CRISPLD1: variants seen among roughly 807,000 people sequenced by gnomAD.
The protein encoded by CRISPLD1 is cysteine rich secretory protein LCCL domain containing 1, also known as cysteine-rich secretory protein LCCL domain-containing 1.
In CRISPLD1, 60 loss-of-function variants were observed where a neutral mutation model predicts 77.5. The observed-to-expected ratio is 0.77, with a 90% confidence interval of 0.63 to 0.96. The LOEUF (loss-of-function observed/expected upper bound fraction) is 0.96, where lower values mean the gene tolerates loss of function less well. Ranked by LOEUF, CRISPLD1 falls within the 40% of genes least tolerant of loss-of-function variation. The probability of loss-of-function intolerance (pLI) is 0.00; values close to 1 mark genes in which losing one functional copy is unlikely to be tolerated. For missense variants in CRISPLD1, 623 were observed against 615.8 expected (o/e 1.01, Z -0.12); for synonymous variants, 195 against 200.1 (o/e 0.97, Z 0.22).
At position 75,032,200 on chromosome 8, in the gene CRISPLD1, T is replaced by C; in HGVS notation, c.1461T>C (p.Asn487=). 1 of 1,602,462 alleles carries C rather than the reference T, an allele frequency of 6.2e-7. No homozygotes were observed. Among genetic ancestry groups the C allele is most frequent in the Non-Finnish European group, 8.5e-7 (1 of 1,172,230 alleles). The change falls in exon 15 of 15, where the codon AAT becomes AAC. Residue 487 remains asparagine (N), a synonymous_variant. Coordinates refer to ENST00000262207, the MANE Select transcript of CRISPLD1 (RefSeq NM_031461.6). ...QNGIFSESLQ[N]PPGGKAFRVF... ...TTTTTTTTTTTTGCAGTTTACAGAATCCTCCAGGAGGAAAGGCATTCAGAG... is the reference window on the plus strand; with the variant it reads ...TTTTTTTTTTTTGCAGTTTACAGAACCCTCCAGGAGGAAAGGCATTCAGAG...
In CRISPLD1 at chr8:75,025,575, C is replaced by T; in HGVS notation, c.1274C>T (p.Ala425Val). 5.0e-6 allele frequency: 8 copies of T among 1,586,038 alleles called. No individual in the cohort carries two copies. Among genetic ancestry groups the T allele is most frequent in the Non-Finnish European group, 6.9e-6 (8 of 1,157,372 alleles). ...RVYCPRNCMQ[A>V]NPHYARVIGT... Reference sequence around the variant, plus strand: ...TACTGTCCTCGTAACTGTATGCAAGCAAATCCACATTATGCTCGTGTAATT... The same window carrying T: ...TACTGTCCTCGTAACTGTATGCAAGTAAATCCACATTATGCTCGTGTAATT... The change falls in exon 13 of 15, where the codon GCA becomes GTA. Residue 425 changes from alanine to valine, a missense_variant. Transcript: ENST00000262207.
rs182019223 is a variant in CRISPLD1 at position 75,016,420 on chromosome 8, C to T, written c.728-145C>T. On this transcript the variant is annotated intron_variant, in intron 6 of 14. Coordinates refer to ENST00000262207, the MANE Select transcript of CRISPLD1 (RefSeq NM_031461.6). ...TCCACTGCAGTACCTAAGATCACCA[C>T]CTTAAGCCAAAACCTGTGCAGAAAA... 1,047 of 721,668 alleles carry T rather than the reference C, an allele frequency of 1.5e-3. 8 individuals carry two copies. In the South Asian group the frequency reaches 0.018, roughly 13 times the overall value. 44.7% of individuals were successfully genotyped at this position (721,668 alleles called of 1,614,324 possible).
chr8:75,002,283 T>C (rs1228991567), intron 2 of CRISPLD1, among the ~76,000 whole-genome samples: 1 of 150,624 alleles, frequency 6.6e-6, no homozygotes. Flanking sequence ...ATGTTCCCAA[T>C]GTGAAGAGAC....
chr8:74,985,900 C>T (rs1216447338), intron 1 of CRISPLD1, 26 bp from the exon 2 acceptor site: 1 of 1,410,132 alleles, frequency 7.1e-7, no homozygotes, highest in African/African-American at 1.4e-5. Context: ...GAATTTTCAT[C>T]TTAATCACAT....
intron 2 of CRISPLD1, among the ~76,000 whole-genome samples, chr8:75,008,559 G>C (rs1812874975): frequency 6.6e-6 from 1 of 152,046 alleles, no homozygotes; most frequent in Non-Finnish European, 1.5e-5. Context: ...ACCTAAACAG[G>C]TATGCTTTAT....
intron 2 of CRISPLD1, among the ~76,000 whole-genome samples, chr8:74,998,519 C>G (rs1812680175): frequency 6.6e-6 from 1 of 151,542 alleles, no homozygotes; most frequent in African/African-American, 2.4e-5. Flanking sequence ...GAAATGCCGT[C>G]TCTATTAAAA....
chr8:75,017,558 G>T, intron 10 of CRISPLD1, 108 bp downstream of exon 10: 2 of 1,009,590 alleles, frequency 2.0e-6, no homozygotes, highest in Non-Finnish European at 2.8e-6. Context: ...GAAAGAATTT[G>T]GTTATTTTCA....
intron 2 of CRISPLD1, among the ~76,000 whole-genome samples, chr8:74,996,968 C>A (rs11994286): frequency 6.6e-6 from 1 of 152,040 alleles, no homozygotes; most frequent in Non-Finnish European, 1.5e-5. Flanking sequence ...CCTCCTGCCT[C>A]GGCCTCCTGA....
intron 13 of CRISPLD1, chr8:75,026,735 C>A (rs992019531): frequency 6.6e-6 from 1 of 152,080 alleles, no homozygotes; most frequent in Non-Finnish European, 1.5e-5. Flanking sequence ...GTAAAGAGGC[C>A]TGAATATGTA....
chr8:75,005,504 T>C lies in CRISPLD1; in HGVS notation c.259-6929T>C, dbSNP rs1012842489. Among the ~76,000 whole-genome samples the C allele has an allele frequency of 2.6e-5, 4 of 152,056 alleles. No individual in the cohort carries two copies. The East Asian group carries it at 7.7e-4, about 29-fold the overall frequency. On this transcript the variant is annotated intron_variant, in intron 2 of 14. Transcript: ENST00000262207. ...CATACTTTTGTATCTGTCTGTATAA[T>C]AAAAGAAGAAGAAAATTGATCACGA...
chr8:75,032,222 A>G lies in CRISPLD1; in HGVS notation c.1483A>G (p.Arg495Gly). Reference protein sequence around the residue: ...LQNPPGGKAFRVFAVV With the variant: ...LQNPPGGKAFGVFAVV ...GAATCCTCCAGGAGGAAAGGCATTC[A>G]GAGTGTTTGCTGTTGTGTGAAACTG... Residue 495 changes from arginine (R) to glycine (G), a missense_variant, in exon 15 of 15, where the codon AGA (arginine) becomes GGA (glycine). By Grantham distance (125) the Arg-to-Gly change is moderately radical (BLOSUM62 -2). Coordinates refer to ENST00000262207, the MANE Select transcript of CRISPLD1 (RefSeq NM_031461.6). 2 of 1,608,576 alleles carry G rather than the reference A, an allele frequency of 1.2e-6. No homozygotes were observed. Among genetic ancestry groups the G allele is most frequent in the Non-Finnish European group, 1.7e-6 (2 of 1,176,840 alleles).
chr8:74,987,328 G>A (rs1812512126), intron 2 of CRISPLD1, among the ~76,000 whole-genome samples: 1 of 152,150 alleles, frequency 6.6e-6, no homozygotes, highest in African/African-American at 2.4e-5. Context: ...AGGCTGTCTG[G>A]GTTAAACTTC....
intron 6 of CRISPLD1, among the ~76,000 whole-genome samples, chr8:75,015,434 A>C (rs1417903570): frequency 6.6e-6 from 1 of 152,168 alleles, no homozygotes; most frequent in Non-Finnish European, 1.5e-5. Context: ...ACTACTATAA[A>C]AGTAGTACTG....
intron 2 of CRISPLD1, among the ~76,000 whole-genome samples, chr8:74,988,815 A>G (rs530253707): frequency 3.0e-4 from 45 of 152,308 alleles, no homozygotes; most frequent in African/African-American, 1.0e-3. Flanking sequence ...ACCCTGGGTG[A>G]CAGCGAGACA....
chr8:75,005,977 T>C (rs755811287), intron 2 of CRISPLD1, among the ~76,000 whole-genome samples: 1 of 152,172 alleles, frequency 6.6e-6, no homozygotes, highest in Non-Finnish European at 1.5e-5. Flanking sequence ...GGATATCTTG[T>C]ATAATAGATA....
chr8:75,001,413 A>C (rs1812738875), intron 2 of CRISPLD1, among the ~76,000 whole-genome samples: 1 of 152,154 alleles, frequency 6.6e-6, no homozygotes, highest in African/African-American at 2.4e-5. Context: ...ATCTTCCAGG[A>C]GATACAGTGA....
chr8:74,992,735 G>A (rs1237656504), intron 2 of CRISPLD1, among the ~76,000 whole-genome samples: 1 of 152,030 alleles, frequency 6.6e-6, no homozygotes, highest in Non-Finnish European at 1.5e-5. Flanking sequence ...TTTTCTAACT[G>A]TAAGACGAAA....
chr8:74,996,735 T>C (rs1358449109), intron 2 of CRISPLD1, among the ~76,000 whole-genome samples: 2 of 133,624 alleles, frequency 1.5e-5, no homozygotes, highest in African/African-American at 6.5e-5. Context: ...TTTTTTTTTT[T>C]TGAGATAGGA....
chr8:75,004,881 A>C (rs1189103887), intron 2 of CRISPLD1, among the ~76,000 whole-genome samples: 1 of 152,156 alleles, frequency 6.6e-6, no homozygotes, highest in African/African-American at 2.4e-5. Context: ...TAAATGTTTT[A>C]CCATCATATT....
Sources: gnomAD v4.1 joint callset for allele counts (sites outside exome capture counted in the v4.1 genomes callset) on GRCh38, gnomAD v4.1.1 for gene constraint, MANE v1.5 for transcripts, NCBI Gene and HGNC (gene_info 2026-07-23, HGNC 2026-07-21) for gene names.